ZFP64: variants seen among roughly 807,000 people sequenced by gnomAD.
ZFP64 encodes ZFP64 zinc finger protein.
ZFP64 carries 14 observed loss-of-function variants against 51.6 expected under a neutral mutation model. That is an observed-to-expected ratio of 0.27 (90% CI 0.18 to 0.42). The LOEUF (loss-of-function observed/expected upper bound fraction) is 0.42, where lower values mean the gene tolerates loss of function less well. Among genes scored for constraint, ZFP64 ranks in the 10% least tolerant of loss-of-function variants. The pLI is 1.00. For missense variants in ZFP64, 754 were observed against 906.8 expected, an observed-to-expected ratio of 0.83 and a Z score of 2.16; for synonymous variants, 375 against 361.4, an observed-to-expected ratio of 1.04 and a Z score of -0.43.
chr20:52,137,856 A>G (rs1460924598), intron 5 of ZFP64, among the ~76,000 whole-genome samples: 1 of 152,084 alleles, frequency 6.6e-6, no homozygotes, highest in East Asian at 1.9e-4. Context: ...CAGTAGGCAA[A>G]TATATATTTA....
At chr20:52,157,089 A>G (rs1443506969) in intron 5 of ZFP64, among the ~76,000 whole-genome samples, 3 of 152,212 alleles carry the variant, frequency 2.0e-5, no homozygotes, top group Admixed American at 2.0e-4. Context: ...CATATCTAAG[A>G]AACTAGTCTC....
chr20:52,100,854 A>G (rs943903372), intron 5 of ZFP64, among the ~76,000 whole-genome samples: 7 of 152,212 alleles, frequency 4.6e-5, no homozygotes, highest in South Asian at 2.1e-4. Context: ...GAAAAAATAT[A>G]TAAGTTCTCA....
chr20:52,088,188 T>C (rs1030171164), intron 8 of ZFP64: 11 of 779,814 alleles, frequency 1.4e-5, no homozygotes, highest in Non-Finnish European at 2.2e-5. Context: ...AGTCAAGATA[T>C]AAAACCCAGC....
chr20:52,131,465 G>C (rs1979719156), intron 5 of ZFP64, among the ~76,000 whole-genome samples: 2 of 152,140 alleles, frequency 1.3e-5, no homozygotes, highest in South Asian at 4.1e-4. Flanking sequence ...CCACTGATCT[G>C]CTGCCTACAA....
intron 7 of ZFP64, among the ~76,000 whole-genome samples, chr20:52,093,432 G>T (rs753507799): frequency 6.6e-6 from 1 of 152,174 alleles, no homozygotes; most frequent in South Asian, 2.1e-4. Flanking sequence ...GAGCCACTGC[G>T]CCCAGCCATC....
chr20:52,129,265 C>CT (rs551674516), intron 5 of ZFP64, among the ~76,000 whole-genome samples: 2,213 of 143,280 alleles, frequency 0.015, 50 homozygotes, highest in African/African-American at 0.045. Flanking sequence ...TTCTTTTTTT[C>CT]TTTTTTTTTT....
At chr20:52,103,815 T>C (rs1201747162) in intron 5 of ZFP64, among the ~76,000 whole-genome samples, 2 of 152,204 alleles carry the variant, frequency 1.3e-5, no homozygotes, top group African/African-American at 2.4e-5. Flanking sequence ...GGTTGTACTA[T>C]CCTGGTTATG....
At chr20:52,136,392 T>C (rs1426375387) in intron 5 of ZFP64, among the ~76,000 whole-genome samples, 1 of 152,124 alleles carries the variant, frequency 6.6e-6, no homozygotes, top group Admixed American at 6.5e-5. Flanking sequence ...TTGTTTTTAA[T>C]AAAATTGACC....
At position 52,089,003 on chromosome 20, in the gene ZFP64, TCCTC is replaced by T. The variant is rs776481790; in HGVS notation, c.977-364_977-361del. On this transcript the variant is annotated intron_variant, in intron 7 of 8. Coordinates refer to the ZFP64 transcript ENST00000361387. ...ATGGAGAATGGTCAGGTGGACCCCTTCCTCTCACTTCTTCCAAACAGCAAGCAGC... is the reference window on the plus strand; with the variant it reads ...ATGGAGAATGGTCAGGTGGACCCCTTTCACTTCTTCCAAACAGCAAGCAGC... 3 of 525,674 alleles carry T rather than the reference TCCTC, an allele frequency of 5.7e-6. No individual in the cohort carries two copies. In the African/African-American group the frequency reaches 5.7e-5, roughly 10 times the overall value. 32.6% of individuals were successfully genotyped at this position (525,674 alleles called of 1,614,324 possible).
chr20:52,160,307 G>A lies in ZFP64; in HGVS notation c.579C>T (p.His193=), dbSNP rs1981682176. The change falls in exon 5 of 6, where the codon CAC becomes CAT. Residue 193 remains histidine, a synonymous_variant. Transcript: ENST00000216923. This position sits in a 1 kb window ranked among gnomAD's most constrained non-coding sequence, Gnocchi z 4.2. The part of the protein sequence containing the change: ...CFSRKDKLKT[H]MRCHTGVKPY... ...GCTTCACGCCCGTGTGGCACCGCAT[G>A]TGAGTTTTCAGCTTGTCTTTCCGGC... 6.2e-7 allele frequency: 1 copy of A among 1,614,250 alleles called. No individual in the cohort carries two copies. Among genetic ancestry groups the A allele is most frequent in the Non-Finnish European group, 8.5e-7 (1 of 1,180,046 alleles).
chr20:52,106,145 C>G (rs1424689779), intron 5 of ZFP64, among the ~76,000 whole-genome samples: 1 of 152,142 alleles, frequency 6.6e-6, no homozygotes, highest in Non-Finnish European at 1.5e-5. Flanking sequence ...TGGGGCCAAC[C>G]CGGCGCCGGC....
chr20:52,182,147 C>T (rs1411748487), intron 2 of ZFP64, among the ~76,000 whole-genome samples: 1 of 152,176 alleles, frequency 6.6e-6, no homozygotes, highest in Admixed American at 6.5e-5. Flanking sequence ...ATTATAACCT[C>T]TTTTTACAGA....
chr20:52,110,812 T>A, intron 5 of ZFP64: 1 of 1,597,494 alleles, frequency 6.3e-7, no homozygotes, highest in Non-Finnish European at 8.6e-7. Flanking sequence ...CAGCTTGTAT[T>A]TCTCACTCAG....
At chr20:52,105,404 C>T in intron 5 of ZFP64, 11 of 1,228,234 alleles carry the variant, frequency 9.0e-6, no homozygotes, top group Non-Finnish European at 1.1e-5. Context: ...GCTGATTGGC[C>T]TGGAGCCAAG....
intron 4 of ZFP64, among the ~76,000 whole-genome samples, chr20:52,162,068 C>T (rs1981853846): frequency 1.3e-5 from 2 of 152,042 alleles, no homozygotes; most frequent in South Asian, 4.1e-4. Flanking sequence ...GAGGCCGAGG[C>T]AGGCAGATCA....
chr20:52,110,517 C>T, intron 5 of ZFP64: 1 of 719,006 alleles, frequency 1.4e-6, no homozygotes, highest in African/African-American at 1.7e-5. Context: ...CTGTGATCTT[C>T]AGGTATTGCT....
At chr20:52,091,590 G>C (rs1385563177) in intron 7 of ZFP64, among the ~76,000 whole-genome samples, 2 of 152,094 alleles carry the variant, frequency 1.3e-5, no homozygotes, top group African/African-American at 2.4e-5. Flanking sequence ...TTCACAAATG[G>C]TTTTTCAAAA....
intron 5 of ZFP64, among the ~76,000 whole-genome samples, chr20:52,105,860 C>T (rs1043641060): frequency 1.3e-5 from 2 of 151,984 alleles, no homozygotes; most frequent in Non-Finnish European, 2.9e-5. Flanking sequence ...TTAAAAAAGC[C>T]GTCTCCCTCC....
At chr20:52,100,238 C>T (rs2079036137) in intron 5 of ZFP64, among the ~76,000 whole-genome samples, 3 of 151,984 alleles carry the variant, frequency 2.0e-5, no homozygotes, top group Admixed American at 1.3e-4. Context: ...ATCCACCCAC[C>T]TCGGCCTCCC....
Sources: gnomAD v4.1 joint callset for allele counts (sites outside exome capture counted in the v4.1 genomes callset) on GRCh38, gnomAD v4.1.1 for gene constraint, Gnocchi (gnomAD v3.1) non-coding constraint, MANE v1.5 for transcripts, NCBI Gene and HGNC (gene_info 2026-07-23, HGNC 2026-07-21) for gene names.